The following PLAA variants were observed in gnomAD, a reference collection of about 807,000 sequenced individuals.
PLAA encodes phospholipase A2 activating protein.
PLAA carries 48 observed loss-of-function variants against 84.1 expected under a neutral mutation model. That is an observed-to-expected ratio of 0.57 (90% confidence interval 0.45 to 0.73). The LOEUF (loss-of-function observed/expected upper bound fraction) is 0.73. Among genes scored for constraint, PLAA ranks in the 30% least tolerant of loss-of-function variants. The probability of loss-of-function intolerance (pLI) is 0.00; values close to 1 mark genes in which losing one functional copy is unlikely to be tolerated. For synonymous variants in PLAA, 392 were observed against 336.6 expected (o/e 1.16, Z -1.80); for missense variants, 903 against 954.7 (o/e 0.95, Z 0.71).
At chr9:26,924,101 C>A (rs1411383461) in intron 6 of PLAA, among the ~76,000 whole-genome samples, 2 of 152,000 alleles carry the variant, frequency 1.3e-5, no homozygotes, top group Non-Finnish European at 2.9e-5. Context: ...TTTATTAGAC[C>A]CTCTATCCCT....
At chr9:26,921,955 A>C (rs1824777253) in intron 7 of PLAA, among the ~76,000 whole-genome samples, 1 of 152,224 alleles carries the variant, frequency 6.6e-6, no homozygotes, top group Non-Finnish European at 1.5e-5. Context: ...AACATATATT[A>C]TCAGTTATTT....
chr9:26,906,704 A>G (rs1489958666), intron 13 of PLAA, among the ~76,000 whole-genome samples: 1 of 152,168 alleles, frequency 6.6e-6, no homozygotes, highest in Non-Finnish European at 1.5e-5. Flanking sequence ...CTGGGATTAC[A>G]GGCATGAGCC....
intron 2 of PLAA, among the ~76,000 whole-genome samples, chr9:26,933,670 T>C (rs1257821978): frequency 1.3e-5 from 2 of 148,550 alleles, no homozygotes; most frequent in Non-Finnish European, 3.0e-5. Flanking sequence ...GCGCCTGTAG[T>C]CCCAGCTACT....
chr9:26,914,864 C>T (rs1824500874), intron 10 of PLAA, among the ~76,000 whole-genome samples: 1 of 152,182 alleles, frequency 6.6e-6, no homozygotes, highest in Non-Finnish European at 1.5e-5. Flanking sequence ...AGAGTCCACC[C>T]ATAACCCAGG....
intron 7 of PLAA, among the ~76,000 whole-genome samples, chr9:26,922,065 T>C (rs1329300786): frequency 6.6e-6 from 1 of 152,124 alleles, no homozygotes; most frequent in Non-Finnish European, 1.5e-5. Flanking sequence ...AAAATAGCAC[T>C]CCATGAAAAA....
At chr9:26,930,290 G>C (rs993918651) in intron 2 of PLAA, among the ~76,000 whole-genome samples, 1 of 151,984 alleles carries the variant, frequency 6.6e-6, no homozygotes, top group Non-Finnish European at 1.5e-5. Flanking sequence ...TATTTTAGTA[G>C]AGATGGGGTT....
rs776803428 is a variant in PLAA at position 26,923,181 on chromosome 9, G to A, written c.1036C>T (p.Pro346Ser). 6.3e-7 allele frequency: 1 copy of A among 1,586,186 alleles called. No homozygotes were observed. Among genetic ancestry groups the A allele is most frequent in the South Asian group, 1.1e-5 (1 of 87,452 alleles). Residue 346 changes from proline to serine, a missense_variant, in exon 7 of 14, where the codon CCT becomes TCT. By Grantham distance (74) the Pro-to-Ser change is moderately conservative (BLOSUM62 -1). Coordinates refer to ENST00000397292, the MANE Select transcript of PLAA (RefSeq NM_001031689.3). ...QLPGREHLNE[P>S]GTREGQTRLI... is the part of the protein sequence containing the mutation. Reference sequence around the variant, plus strand: ...CTAGGTACAATAAAATACTTACCAGGTTCATTAAGATGTTCCCTCCCAGGA... The same window carrying A: ...CTAGGTACAATAAAATACTTACCAGATTCATTAAGATGTTCCCTCCCAGGA...
chr9:26,913,506 C>T (rs1324784742), intron 11 of PLAA, among the ~76,000 whole-genome samples: 1 of 152,136 alleles, frequency 6.6e-6, no homozygotes, highest in Non-Finnish European at 1.5e-5. Flanking sequence ...TAAACACAGA[C>T]TTTGTAAGAG....
intron 13 of PLAA, among the ~76,000 whole-genome samples, chr9:26,907,278 C>T (rs896132061): frequency 8.5e-5 from 13 of 152,150 alleles, no homozygotes; most frequent in Admixed American, 6.5e-4. Context: ...CGGTGGCTCA[C>T]GCCTGTAATC....
intron 1 of PLAA, among the ~76,000 whole-genome samples, chr9:26,935,764 T>C (rs1825337727): frequency 6.6e-6 from 1 of 151,986 alleles, no homozygotes; most frequent in Non-Finnish European, 1.5e-5. Context: ...GCATAAAATA[T>C]ACTAACACTA....
At chr9:26,945,149 C>G (rs1825650231) in intron 1 of PLAA, among the ~76,000 whole-genome samples, 1 of 152,074 alleles carries the variant, frequency 6.6e-6, no homozygotes, top group South Asian at 2.1e-4. Context: ...ATCAATAGTT[C>G]AATGAACAAC....
rs760127372 is a variant in PLAA at position 26,935,112 on chromosome 9, G to C, written c.244C>G (p.His82Asp). ...CIIPSSDIYP[H>D]GLIATGGNDH... is the part of the protein sequence containing the mutation. ...TTTCCACCGGTGGCAATTAGGCCAT[G>C]AGGGTAGATGTCACTTGAGGGTATG... The change falls in exon 2 of 14, where the codon CAT becomes GAT. Residue 82 changes from histidine to aspartate, a missense_variant. His to Asp is a moderately conservative substitution (Grantham distance 81). Transcript: ENST00000397292. The C allele has an allele frequency of 1.9e-6, 3 of 1,610,998 alleles. No homozygotes were observed. In the African/African-American group the frequency reaches 4.0e-5, roughly 22 times the overall value.
At chr9:26,911,041 C>T (rs1291095385) in intron 11 of PLAA, among the ~76,000 whole-genome samples, 1 of 151,894 alleles carries the variant, frequency 6.6e-6, no homozygotes, top group African/African-American at 2.4e-5. Context: ...GGACAGGAGT[C>T]CTAGTCTTTC....
chr9:26,930,041 C>T (rs1825124177), intron 2 of PLAA, among the ~76,000 whole-genome samples: 1 of 151,404 alleles, frequency 6.6e-6, no homozygotes, highest in African/African-American at 2.4e-5. Flanking sequence ...TTTTTTAATT[C>T]TCTACTACTG....
intron 4 of PLAA, among the ~76,000 whole-genome samples, chr9:26,927,295 G>T (rs776035792): frequency 1.3e-5 from 2 of 151,416 alleles, no homozygotes; most frequent in African/African-American, 4.9e-5. Flanking sequence ...GAATTTTTTT[G>T]TATTTCTAAT....
chr9:26,916,136 G>A (rs1824548904), intron 10 of PLAA: 1 of 985,250 alleles, frequency 1.0e-6, no homozygotes, highest in Non-Finnish European at 1.2e-6. Flanking sequence ...CTCACGGACA[G>A]CAATCCACAA....
chr9:26,946,787 G>C, intron 1 of PLAA, 110 bp downstream of exon 1: 2 of 1,247,972 alleles, frequency 1.6e-6, no homozygotes, highest in East Asian at 2.6e-5. Flanking sequence ...AGAGCAGAGG[G>C]AAGGCTGGGG....
intron 12 of PLAA, 109 bp from the exon 13 acceptor site, chr9:26,908,107 A>ATCT: frequency 2.9e-6 from 2 of 698,118 alleles, no homozygotes; most frequent in South Asian, 4.5e-5. Flanking sequence ...ATGGGGAGTT[A>ATCT]AGACTTTACT....
rs779102251 is a variant in PLAA at position 26,905,796 on chromosome 9, A to G, written c.2103T>C (p.Ala701=). The change falls in exon 14 of 14, where the codon GCT becomes GCC. Residue 701 remains alanine, a synonymous_variant. Transcript: ENST00000397292. ...AATAGTTCAGGGCCAATGTAGCCAG[A>G]GCAATGTGAATGTTCTTATTGCTCC... ...KSGSNKNIHI[A]LATLALNYSV... is the part of the protein sequence containing the mutation. 6.2e-7 allele frequency: 1 copy of G among 1,614,222 alleles called. No individual in the cohort carries two copies. Among genetic ancestry groups the G allele is most frequent in the Non-Finnish European group, 8.5e-7 (1 of 1,180,034 alleles).
Sources: allele counts gnomAD v4.1 joint callset (sites outside exome capture counted in the v4.1 genomes callset), GRCh38; gene constraint gnomAD v4.1.1; transcripts MANE v1.5; gene names NCBI Gene and HGNC (gene_info 2026-07-23, HGNC 2026-07-21).